The following SPECC1 variants were observed in gnomAD, a reference collection of about 807,000 sequenced individuals.
SPECC1 encodes cytospin-B.
Under a neutral mutation model 104.1 loss-of-function variants are expected in SPECC1, and 62 were observed. That is an observed-to-expected ratio of 0.60 (90% CI 0.49 to 0.74). SPECC1 has a LOEUF of 0.74. Ranked by LOEUF, SPECC1 falls within the 30% of genes least tolerant of loss-of-function variation. SPECC1 has a pLI of 0.00. For synonymous variants in SPECC1, 513 were observed against 501.6 expected, an observed-to-expected ratio of 1.02 and a Z score of -0.30; for missense variants, 1,306 against 1,310.5, an observed-to-expected ratio of 1.00 and a Z score of 0.05.
At chr17:20,166,714 G>A (rs564270702) in intron 3 of SPECC1, among the ~76,000 whole-genome samples, 5 of 152,230 alleles carry the variant, frequency 3.3e-5, no homozygotes, top group South Asian at 4.1e-4. Flanking sequence ...AGTAAGTTAC[G>A]ACTGTGTCTG....
intron 5 of SPECC1, among the ~76,000 whole-genome samples, chr17:20,228,639 A>G (rs2038383003): frequency 6.6e-6 from 1 of 152,200 alleles, no homozygotes; most frequent in Non-Finnish European, 1.5e-5. Context: ...GGTCTAAGGG[A>G]GAAAACAATT....
intron 1 of SPECC1, among the ~76,000 whole-genome samples, chr17:20,076,915 A>G (rs1349400906): frequency 6.6e-6 from 1 of 152,168 alleles, no homozygotes; most frequent in Non-Finnish European, 1.5e-5. Context: ...TCTTTATGGT[A>G]TTTTGCATTT....
intron 14 of SPECC1, among the ~76,000 whole-genome samples, chr17:20,309,824 T>C (rs1022200954): frequency 4.1e-5 from 6 of 146,958 alleles, no homozygotes; most frequent in Middle Eastern, 7.1e-3. Flanking sequence ...TCTTTTTTTT[T>C]TTTTTTTTTT....
intron 1 of SPECC1, among the ~76,000 whole-genome samples, chr17:20,055,831 C>T (rs73984562): frequency 0.012 from 1,808 of 152,320 alleles, 32 homozygotes; most frequent in African/African-American, 0.041. Flanking sequence ...CACTGGGCCC[C>T]CTCCGTTCTG....
intron 11 of SPECC1, among the ~76,000 whole-genome samples, chr17:20,259,559 G>A (rs2039952005): frequency 6.6e-6 from 1 of 151,952 alleles, no homozygotes; most frequent in African/African-American, 2.4e-5. Context: ...GGGCTGTAGT[G>A]AAGTGGCACA....
chr17:20,111,909 C>T, intron 3 of SPECC1: 1 of 790,608 alleles, frequency 1.3e-6, no homozygotes, highest in Non-Finnish European at 2.3e-6. Flanking sequence ...GATTTGCTTT[C>T]TGTGGCCAGT....
At chr17:20,122,747 A>G (rs1018564998) in intron 3 of SPECC1, among the ~76,000 whole-genome samples, 1 of 152,144 alleles carries the variant, frequency 6.6e-6, no homozygotes, top group Non-Finnish European at 1.5e-5. Flanking sequence ...TCCTTTTGCA[A>G]CCGGCTTATT....
intron 3 of SPECC1, among the ~76,000 whole-genome samples, chr17:20,182,858 C>T (rs529683719): frequency 1.3e-5 from 2 of 152,256 alleles, no homozygotes; most frequent in African/African-American, 4.8e-5. Context: ...CAGAACCTAG[C>T]CATCTGGCCA....
intron 1 of SPECC1, among the ~76,000 whole-genome samples, chr17:20,078,508 A>ATGTG (rs1192455263): frequency 6.6e-6 from 1 of 152,212 alleles, no homozygotes; most frequent in African/African-American, 2.4e-5. Flanking sequence ...ACATTGGCAA[A>ATGTG]AATGGAAAAT....
chr17:20,099,511 CAAAAAAAAAAAAAA>C (rs56285234), intron 2 of SPECC1, among the ~76,000 whole-genome samples: 1 of 91,780 alleles, frequency 1.1e-5, no homozygotes, highest in Non-Finnish European at 2.0e-5. Flanking sequence ...TGTCTTTACC[CAAAAAAAAAAAAAA>C]AAAAAAAAAA....
At chr17:20,196,039 A>G (rs993254195) in intron 3 of SPECC1, among the ~76,000 whole-genome samples, 6 of 152,210 alleles carry the variant, frequency 3.9e-5, no homozygotes, top group African/African-American at 7.2e-5. Context: ...AATTTAGCCA[A>G]TGTCCACACA....
chr17:20,031,876 A>G (rs1162591507), intron 1 of SPECC1, among the ~76,000 whole-genome samples: 7 of 152,230 alleles, frequency 4.6e-5, no homozygotes, highest in Admixed American at 4.6e-4. Context: ...TTGTGTATAC[A>G]TATACCACAT....
intron 3 of SPECC1, among the ~76,000 whole-genome samples, chr17:20,159,324 A>G (rs1403073772): frequency 6.6e-6 from 1 of 151,988 alleles, no homozygotes; most frequent in Non-Finnish European, 1.5e-5. Context: ...CAGCCTCCCA[A>G]AGTGCTGGGA....
chr17:20,115,265 G>A (rs938333821), intron 3 of SPECC1, among the ~76,000 whole-genome samples: 5 of 152,108 alleles, frequency 3.3e-5, no homozygotes, highest in Non-Finnish European at 7.4e-5. Context: ...ATGAGGTCAG[G>A]AGATCAAGAC....
At chr17:20,159,570 T>G (rs1165900525) in intron 3 of SPECC1, among the ~76,000 whole-genome samples, 1 of 152,262 alleles carries the variant, frequency 6.6e-6, no homozygotes, top group Non-Finnish European at 1.5e-5. Flanking sequence ...AGAAGGCAGC[T>G]TCTCAGCTGC....
intron 3 of SPECC1, among the ~76,000 whole-genome samples, chr17:20,128,758 T>C (rs73301527): frequency 0.013 from 1,934 of 152,278 alleles, 44 homozygotes; most frequent in African/African-American, 0.044. Flanking sequence ...TTTATCACTT[T>C]GAAATTTGTA....
At chr17:20,190,084 A>C (rs2151277693) in intron 3 of SPECC1, among the ~76,000 whole-genome samples, 2 of 147,354 alleles carry the variant, frequency 1.4e-5, no homozygotes, top group Middle Eastern at 3.4e-3. Flanking sequence ...ACGACCCAAA[A>C]GACAGTCCAG....
chr17:20,115,428 G>A (rs747751296), intron 3 of SPECC1, among the ~76,000 whole-genome samples: 71 of 152,196 alleles, frequency 4.7e-4, no homozygotes, highest in Non-Finnish European at 6.5e-4. Flanking sequence ...AGCCGAGATC[G>A]TGCAACTACA....
intron 1 of SPECC1, among the ~76,000 whole-genome samples, chr17:20,070,981 CA>C (rs1465569910): frequency 2.0e-5 from 3 of 152,042 alleles, no homozygotes; most frequent in Admixed American, 2.0e-4. Context: ...TTTTTCAAGA[CA>C]AAATTTCACT....
Sources: allele counts gnomAD v4.1 joint callset (sites outside exome capture counted in the v4.1 genomes callset), GRCh38; gene constraint gnomAD v4.1.1; transcripts MANE v1.5; gene names NCBI Gene and HGNC (gene_info 2026-07-23, HGNC 2026-07-21).